ZNF385D: variants seen among roughly 807,000 people sequenced by gnomAD.
ZNF385D encodes zinc finger protein 385D, also known as zinc finger protein 659.
Under a neutral mutation model 35.8 loss-of-function variants are expected in ZNF385D, and 15 were observed. That is an observed-to-expected ratio of 0.42 (90% CI 0.28 to 0.64). The LOEUF (loss-of-function observed/expected upper bound fraction) is 0.64, where lower values mean the gene tolerates loss of function less well. Among genes scored for constraint, ZNF385D ranks in the 30% least tolerant of loss-of-function variants. The pLI is 0.23. For missense variants in ZNF385D, 474 were observed against 494.6 expected (o/e 0.96, Z 0.39); for synonymous variants, 212 against 186.8 (o/e 1.13, Z -1.10).
chr3:22,196,577 T>G (rs903553626), intron 2 of ZNF385D, among the ~76,000 whole-genome samples: 16 of 152,026 alleles, frequency 1.1e-4, no homozygotes, highest in African/African-American at 3.6e-4. Context: ...ATTTTATTTC[T>G]TATCCCAGAG....
intron 1 of ZNF385D, among the ~76,000 whole-genome samples, chr3:21,728,256 C>G (rs567349651): frequency 6.7e-6 from 1 of 149,212 alleles, no homozygotes; most frequent in Non-Finnish European, 1.5e-5. Flanking sequence ...GCACGTTCTG[C>G]CCATGTATCC....
At chr3:21,485,524 T>C (rs76440230) in intron 4 of ZNF385D, among the ~76,000 whole-genome samples, 1,717 of 152,278 alleles carry the variant, frequency 0.011, 31 homozygotes, top group African/African-American at 0.039. Flanking sequence ...CCATCATTTC[T>C]GCTCTTGCTA....
chr3:22,170,055 C>T (rs1694302697), intron 2 of ZNF385D, among the ~76,000 whole-genome samples: 1 of 152,180 alleles, frequency 6.6e-6, no homozygotes, highest in Admixed American at 6.5e-5. Context: ...TCTAAGTTTT[C>T]TCTACTTCCA....
At chr3:21,650,371 GTAA>G (rs67189544) in intron 2 of ZNF385D, among the ~76,000 whole-genome samples, 21,978 of 151,848 alleles carry the variant, frequency 0.14, 1,698 homozygotes, top group African/African-American at 0.19. Flanking sequence ...TTACTTGGCT[GTAA>G]TAATAAAAGT....
intron 3 of ZNF385D, among the ~76,000 whole-genome samples, chr3:21,911,343 T>G (rs1488550342): frequency 6.6e-6 from 1 of 152,100 alleles, no homozygotes; most frequent in East Asian, 1.9e-4. Flanking sequence ...TCAAAGAGAA[T>G]GTAAAGTGTT....
chr3:22,008,871 C>A (rs559588616), intron 3 of ZNF385D, among the ~76,000 whole-genome samples: 1 of 152,250 alleles, frequency 6.6e-6, no homozygotes, highest in African/African-American at 2.4e-5. Context: ...GTAAATGTTG[C>A]TTTTAGGAAA....
At chr3:22,079,604 G>A (rs929003934) in intron 3 of ZNF385D, among the ~76,000 whole-genome samples, 1 of 151,946 alleles carries the variant, frequency 6.6e-6, no homozygotes, top group Admixed American at 6.6e-5. Flanking sequence ...ATTGGGAAAT[G>A]ACAGCATCCT....
chr3:22,033,808 T>C (rs960592912), intron 3 of ZNF385D, among the ~76,000 whole-genome samples: 6 of 152,198 alleles, frequency 3.9e-5, no homozygotes, highest in Non-Finnish European at 7.3e-5. Flanking sequence ...GGATTATCTT[T>C]ACTGTTCACT....
chr3:21,687,948 G>C (rs187993470), intron 1 of ZNF385D, among the ~76,000 whole-genome samples: 1 of 151,992 alleles, frequency 6.6e-6, no homozygotes, highest in East Asian at 1.9e-4. Flanking sequence ...GGCTTGGAAT[G>C]CAGTAGCACG....
intron 3 of ZNF385D, among the ~76,000 whole-genome samples, chr3:21,913,776 G>C (rs1271649862): frequency 6.6e-6 from 1 of 151,956 alleles, no homozygotes; most frequent in Non-Finnish European, 1.5e-5. Flanking sequence ...TGTACCATTC[G>C]GCAGCCATCC....
At chr3:22,001,740 AATT>A (rs1408139299) in intron 3 of ZNF385D, among the ~76,000 whole-genome samples, 1 of 82,962 alleles carries the variant, frequency 1.2e-5, no homozygotes, top group African/African-American at 7.7e-5. Flanking sequence ...AATAAGTCTC[AATT>A]AAAAAAAAAT....
At chr3:21,567,764 C>A (rs992291774) in intron 2 of ZNF385D, among the ~76,000 whole-genome samples, 9 of 152,018 alleles carry the variant, frequency 5.9e-5, no homozygotes, top group Admixed American at 5.9e-4. Flanking sequence ...GTATGTATAT[C>A]AAAGAAAGAT....
intron 2 of ZNF385D, among the ~76,000 whole-genome samples, chr3:22,334,188 T>C (rs1339626617): frequency 6.6e-6 from 1 of 152,198 alleles, no homozygotes; most frequent in Admixed American, 6.5e-5. Flanking sequence ...TAAGCAATTA[T>C]CTTAATTACT....
intron 2 of ZNF385D, among the ~76,000 whole-genome samples, chr3:22,240,192 A>AG (rs1699413633): frequency 8.6e-6 from 1 of 116,490 alleles, no homozygotes; most frequent in Non-Finnish European, 1.7e-5. Context: ...CCAAAAAAAA[A>AG]AAAAAAAAAA....
At chr3:21,751,436 G>C (rs890759049), upstream of ZNF385D, 1 of 991,676 alleles carries the variant, frequency 1.0e-6, no homozygotes, top group African/African-American at 1.7e-5. Flanking sequence ...TCACCACTGT[G>C]CAGGAGGGAC....
In ZNF385D at chr3:22,067,820, G is replaced by A. The variant is rs147818866; in HGVS notation, c.325+100997C>T. Among the ~76,000 whole-genome samples the A allele has an allele frequency of 6.2e-3, 948 of 152,166 alleles. 14 individuals are homozygous for A. The highest frequency in any genetic ancestry group is 0.022 in the African/African-American group (902 of 41,532). ...GGGCGGATCATGAGGTCAAGAGATC[G>A]AGACCATCCTGCCCAACATGGTGAA... On this transcript the variant is annotated intron_variant, in intron 3 of 5. Coordinates refer to the ZNF385D transcript ENST00000494108.
intron 5 of ZNF385D, among the ~76,000 whole-genome samples, chr3:21,429,487 C>T (rs1701191393): frequency 6.6e-6 from 1 of 151,790 alleles, no homozygotes; most frequent in Admixed American, 6.6e-5. Flanking sequence ...CCTTTATTTC[C>T]CTATATAATT....
chr3:21,806,253 A>G (rs1307585359), intron 3 of ZNF385D, among the ~76,000 whole-genome samples: 2 of 149,808 alleles, frequency 1.3e-5, no homozygotes, highest in African/African-American at 4.9e-5. Context: ...ATACCAATCT[A>G]AACTCTTTTT....
intron 3 of ZNF385D, among the ~76,000 whole-genome samples, chr3:21,860,809 C>T (rs1697007187): frequency 2.0e-5 from 3 of 152,252 alleles, no homozygotes; most frequent in South Asian, 4.1e-4. Flanking sequence ...GGAATCTGAA[C>T]ATATGCCTGT....
Sources: gnomAD v4.1 joint callset for allele counts (sites outside exome capture counted in the v4.1 genomes callset) on GRCh38, gnomAD v4.1.1 for gene constraint, MANE v1.5 for transcripts, NCBI Gene and HGNC (gene_info 2026-07-23, HGNC 2026-07-21) for gene names.